Variants in MTREX observed in about 807,000 individuals in gnomAD.
MTREX encodes Mtr4 exosome RNA helicase, also known as exosome RNA helicase MTR4.
A neutral mutation model predicts 135.4 loss-of-function variants in MTREX; 76 were observed. The ratio of observed to expected loss-of-function variants is 0.56; its 90% CI spans 0.47 to 0.68. MTREX has a LOEUF of 0.68. MTREX is among the 30% of genes least tolerant of loss of function. The probability of loss-of-function intolerance (pLI) is 0.00; values close to 1 mark genes in which losing one functional copy is unlikely to be tolerated. For synonymous variants in MTREX, 404 were observed against 401.6 expected, an observed-to-expected ratio of 1.01 and a Z score of -0.07; for missense variants, 920 against 1,262.1, an observed-to-expected ratio of 0.73 and a Z score of 4.11.
chr5:55,345,999 C>G lies in MTREX; in HGVS notation c.1108+803C>G, dbSNP rs139168528. On this transcript the variant is annotated intron_variant, in intron 10 of 26. Coordinates refer to ENST00000230640, the MANE Select transcript of MTREX (RefSeq NM_015360.5). Reference sequence around the variant, plus strand: ...TCATTTTATGCTATATGTACTCATTCCTTTTCATGGTTAAATAACATTCCA... The same window carrying G: ...TCATTTTATGCTATATGTACTCATTGCTTTTCATGGTTAAATAACATTCCA... 5.3e-4 allele frequency among the ~76,000 whole-genome samples: 80 copies of G among 152,160 alleles called. No individual in the cohort carries two copies. The East Asian group carries it at 0.014, about 26-fold the overall frequency.
intron 5 of MTREX, among the ~76,000 whole-genome samples, chr5:55,337,351 C>T (rs1749570301): frequency 6.6e-6 from 1 of 151,964 alleles, no homozygotes; most frequent in Non-Finnish European, 1.5e-5. Flanking sequence ...GTCTGTGTTG[C>T]CCAGACTGGT....
intron 19 of MTREX, among the ~76,000 whole-genome samples, chr5:55,396,074 A>G (rs2111581953): frequency 6.6e-6 from 1 of 152,334 alleles, no homozygotes; most frequent in Admixed American, 6.5e-5. Context: ...TGAAGCAAAT[A>G]GGCAAAATAT....
chr5:55,369,895 C>T (rs1750167424), intron 16 of MTREX, among the ~76,000 whole-genome samples: 1 of 150,510 alleles, frequency 6.6e-6, no homozygotes, highest in African/African-American at 2.5e-5. Context: ...TCTAATTCAT[C>T]CCTTTTTCTT....
intron 1 of MTREX, among the ~76,000 whole-genome samples, chr5:55,317,467 A>G (rs561355464): frequency 1.3e-5 from 2 of 152,348 alleles, no homozygotes; most frequent in East Asian, 3.9e-4. Context: ...AGAGCTAGAA[A>G]TAAGGCCGCA....
chr5:55,417,892 CT>C (rs1031656426), intron 25 of MTREX, among the ~76,000 whole-genome samples: 4 of 151,732 alleles, frequency 2.6e-5, no homozygotes, highest in African/African-American at 9.7e-5. Flanking sequence ...CAGAGAGTAG[CT>C]TTTTTTTATT....
In MTREX at chr5:55,400,667, TAATTTAC is replaced by T. The variant is rs1484701485; in HGVS notation, c.2481+248_2481+254del. On this transcript the variant is annotated intron_variant, in intron 21 of 26. Transcript: ENST00000230640. ...TTTCTTCTTTTTTAAATTTGAGATATAATTTACACAGCATAGCATTCACCCTTTTAAA... is the reference window on the plus strand; with the variant it reads ...TTTCTTCTTTTTTAAATTTGAGATATACAGCATAGCATTCACCCTTTTAAA... Among the ~76,000 whole-genome samples, 10 of 152,320 alleles carry T rather than the reference TAATTTAC, an allele frequency of 6.6e-5. No homozygotes were observed. In the East Asian group the frequency reaches 1.5e-3, roughly 23 times the overall value.
At chr5:55,387,742 T>C (rs181070644) in intron 18 of MTREX, among the ~76,000 whole-genome samples, 19 of 152,274 alleles carry the variant, frequency 1.2e-4, no homozygotes, top group African/African-American at 3.4e-4. Flanking sequence ...TGACAGTGCT[T>C]GTACTATTAA....
chr5:55,413,781 C>G (rs2111618682), intron 23 of MTREX, among the ~76,000 whole-genome samples: 1 of 152,288 alleles, frequency 6.6e-6, no homozygotes, highest in East Asian at 1.9e-4. Context: ...TTTTCAGTTT[C>G]TACAGATTGA....
Position 55,414,238 on chromosome 5 carries a change from G to A in MTREX, c.2808G>A (p.Gln936=). The A allele has an allele frequency of 6.5e-7, 1 of 1,545,056 alleles. No individual in the cohort carries two copies. Among genetic ancestry groups the A allele is most frequent in the South Asian group, 1.2e-5 (1 of 80,236 alleles). ...TAGCAGGACCACTTCGTCAAATGCA[G>A]GTAAGGTTTTTTTTTTTTTTTTTTG... The part of the protein sequence containing the change: ...EQLAGPLRQM[Q]ECAKRIAKVS... The change falls in exon 24 of 27, where the codon CAG becomes CAA. Residue 936 remains glutamine (Q), a splice_region_variant and synonymous_variant. Coordinates refer to ENST00000230640, the MANE Select transcript of MTREX (RefSeq NM_015360.5).
chr5:55,319,000 AAC>A (rs71737638), intron 1 of MTREX, among the ~76,000 whole-genome samples: 21,685 of 152,082 alleles, frequency 0.14, 1,611 homozygotes, highest in Admixed American at 0.16. Context: ...TCTAAATTTT[AAC>A]ACTTTACCAC....
At chr5:55,326,282 C>G (rs921943198) in intron 3 of MTREX, among the ~76,000 whole-genome samples, 1 of 152,126 alleles carries the variant, frequency 6.6e-6, no homozygotes, top group Admixed American at 6.5e-5. Context: ...TGCCTGTAAT[C>G]CCAGCTACTC....
chr5:55,344,491 A>G (rs1432970359), intron 8 of MTREX, 31 bp from the exon 9 acceptor site: 1 of 1,434,256 alleles, frequency 7.0e-7, no homozygotes. Flanking sequence ...AGGAAATAAA[A>G]TTTTGTATGT....
At chr5:55,309,595 A>G (rs1426984855) in intron 1 of MTREX, among the ~76,000 whole-genome samples, 1 of 152,214 alleles carries the variant, frequency 6.6e-6, no homozygotes, top group Admixed American at 6.5e-5. Flanking sequence ...GGGTGAAAAA[A>G]ACAGGGACGT....
intron 5 of MTREX, among the ~76,000 whole-genome samples, chr5:55,339,787 T>C (rs1471376239): frequency 6.6e-6 from 1 of 152,206 alleles, no homozygotes; most frequent in African/African-American, 2.4e-5. Context: ...TATTAGTGAC[T>C]AAGTTGCATT....
At chr5:55,395,354 C>T (rs552648011) in intron 19 of MTREX, among the ~76,000 whole-genome samples, 10 of 152,060 alleles carry the variant, frequency 6.6e-5, no homozygotes, top group East Asian at 5.8e-4. Flanking sequence ...TTCAGTGAGC[C>T]GAGATCATGC....
chr5:55,341,622 C>G, intron 6 of MTREX, 59 bp from the exon 7 acceptor site: 1 of 837,128 alleles, frequency 1.2e-6, no homozygotes, highest in East Asian at 2.7e-5. Context: ...CAACTTTTCT[C>G]TAACTATTAG....
At chr5:55,338,404 TTTTC>T (rs1404578597) in intron 5 of MTREX, among the ~76,000 whole-genome samples, 1 of 152,142 alleles carries the variant, frequency 6.6e-6, no homozygotes. Context: ...TGTATTGAGT[TTTTC>T]TGTTGTGGTT....
chr5:55,314,698 A>T (rs1279536663), intron 1 of MTREX, among the ~76,000 whole-genome samples: 3 of 152,128 alleles, frequency 2.0e-5, no homozygotes. Context: ...AAAACAGTAA[A>T]TTTGTCCTAT....
intron 13 of MTREX, among the ~76,000 whole-genome samples, chr5:55,352,624 A>G (rs1749847260): frequency 6.6e-6 from 1 of 152,186 alleles, no homozygotes; most frequent in South Asian, 2.1e-4. Context: ...AATGAATAGT[A>G]TGCTATTGAG....
Sources: allele counts gnomAD v4.1 joint callset (sites outside exome capture counted in the v4.1 genomes callset), GRCh38; gene constraint gnomAD v4.1.1; transcripts MANE v1.5; gene names NCBI Gene and HGNC (gene_info 2026-07-23, HGNC 2026-07-21).